Variants in LARP1B observed in about 807,000 individuals in gnomAD.
LARP1B encodes La ribonucleoprotein 1B, also known as la-related protein 1B.
LARP1B carries 76 observed loss-of-function variants against 114.2 expected under a neutral mutation model. That is an observed-to-expected ratio of 0.67 (90% CI 0.55 to 0.81). LARP1B has a LOEUF of 0.81. LARP1B is among the 30% of genes least tolerant of loss of function. LARP1B has a pLI of 0.00. For missense variants in LARP1B, 1,014 were observed against 1,075.8 expected (o/e 0.94, Z 0.80); for synonymous variants, 345 against 348.0 (o/e 0.99, Z 0.10).
intron 11 of LARP1B, among the ~76,000 whole-genome samples, chr4:128,154,974 A>G (rs1367993385): frequency 6.6e-6 from 1 of 151,878 alleles, no homozygotes; most frequent in Non-Finnish European, 1.5e-5. Flanking sequence ...AGGTTTCACT[A>G]TGTTGGCTAG....
intron 11 of LARP1B, among the ~76,000 whole-genome samples, chr4:128,125,151 A>C (rs1305552066): frequency 6.6e-6 from 1 of 152,216 alleles, no homozygotes; most frequent in African/African-American, 2.4e-5. Flanking sequence ...AACTATACAG[A>C]AGTGAAGTAC....
At chr4:128,124,919 G>A (rs1053794014) in intron 11 of LARP1B, among the ~76,000 whole-genome samples, 12 of 152,188 alleles carry the variant, frequency 7.9e-5, no homozygotes, top group African/African-American at 2.9e-4. Context: ...TGAAAAGTAT[G>A]CCAAATTGAT....
intron 1 of LARP1B, among the ~76,000 whole-genome samples, chr4:128,071,189 G>A (rs2149348759): frequency 6.6e-6 from 1 of 151,878 alleles, no homozygotes; most frequent in African/African-American, 2.4e-5. Context: ...TGGGACTACA[G>A]GCGCCCGCCA....
At chr4:128,099,434 G>A (rs991958283) in intron 8 of LARP1B, among the ~76,000 whole-genome samples, 19 of 151,644 alleles carry the variant, frequency 1.3e-4, no homozygotes, top group Admixed American at 1.2e-3. Context: ...TAACTGGAGT[G>A]TGCCACCATA....
At chr4:128,088,979 T>A (rs1397643628) in intron 5 of LARP1B, among the ~76,000 whole-genome samples, 1 of 152,042 alleles carries the variant, frequency 6.6e-6, no homozygotes, top group Non-Finnish European at 1.5e-5. Context: ...AGGAAATGTT[T>A]GAAAAAGACT....
intron 11 of LARP1B, among the ~76,000 whole-genome samples, chr4:128,159,616 A>T (rs1288422488): frequency 6.6e-6 from 1 of 152,224 alleles, no homozygotes; most frequent in Admixed American, 6.5e-5. Context: ...GTTGCAGTTC[A>T]TGAACCTACC....
intron 12 of LARP1B, among the ~76,000 whole-genome samples, chr4:128,170,484 T>G (rs1743077275): frequency 6.6e-6 from 1 of 152,204 alleles, no homozygotes; most frequent in Non-Finnish European, 1.5e-5. Context: ...TCAGTTCTGT[T>G]GTATTTTGCT....
Position 128,202,049 on chromosome 4 carries a change from G to A in LARP1B, c.2309+1384G>A, listed in dbSNP as rs550380973. Among the ~76,000 whole-genome samples, 11 of 152,226 alleles carry A rather than the reference G, an allele frequency of 7.2e-5. No homozygotes were observed. The South Asian group carries it at 1.0e-3, about 14-fold the overall frequency. On this transcript the variant is annotated intron_variant, in intron 17 of 19. Transcript: ENST00000326639. ...GTTGACTTATGTAAAAACAAAGCCC[G>A]TTTAATTTTTATCTGTTATCTATAT... is the stretch of plus-strand genomic sequence containing the variant.
intron 15 of LARP1B, among the ~76,000 whole-genome samples, chr4:128,181,313 G>T (rs1157601434): frequency 6.6e-6 from 1 of 151,730 alleles, no homozygotes; most frequent in African/African-American, 2.4e-5. Flanking sequence ...GAGTAGCTGG[G>T]ATTACAGGTG....
intron 11 of LARP1B, among the ~76,000 whole-genome samples, chr4:128,136,807 T>G (rs1725512432): frequency 6.6e-6 from 1 of 152,194 alleles, no homozygotes; most frequent in Non-Finnish European, 1.5e-5. Context: ...CTCACTATGT[T>G]GCCTGGCTGG....
downstream of LARP1B, among the ~76,000 whole-genome samples, chr4:128,214,075 G>A (rs969053817): frequency 2.7e-5 from 4 of 146,876 alleles, no homozygotes; most frequent in East Asian, 2.0e-4. Flanking sequence ...ACTCCCACCC[G>A]AATATTGCGC....
At chr4:128,118,124 C>T (rs1466716879) in intron 10 of LARP1B, among the ~76,000 whole-genome samples, 1 of 117,224 alleles carries the variant, frequency 8.5e-6, no homozygotes, top group East Asian at 2.6e-4. Flanking sequence ...CAGGGTTTCT[C>T]CTTGCTGCCC....
chr4:128,069,528 G>C, intron 1 of LARP1B: 2 of 747,054 alleles, frequency 2.7e-6, no homozygotes, highest in Non-Finnish European at 4.9e-6. Flanking sequence ...GTGGAGAGCA[G>C]AGAGCTGGTG....
chr4:128,065,253 ATTTCTTTCTTTCTTTCTTTCTTTCTTTC>A (rs199707342), intron 1 of LARP1B, among the ~76,000 whole-genome samples: 3 of 89,544 alleles, frequency 3.4e-5, no homozygotes, highest in Non-Finnish European at 7.1e-5. Flanking sequence ...CCCACAATTA[ATTTCTTTCTTTCTTTCTTTCTTTCTTTC>A]TTTCTTTCTT....
rs149804990 is a variant in LARP1B, at chr4:128,161,398, G to A, written c.1525-796G>A. Reference sequence around the variant, plus strand: ...CTCCAGAACCCCAGAGGCAGGGAGGGGTCTATTCTTCCTTTGAGCTAACAA... The same window carrying A: ...CTCCAGAACCCCAGAGGCAGGGAGGAGTCTATTCTTCCTTTGAGCTAACAA... On this transcript the variant is annotated intron_variant, in intron 11 of 19. Coordinates refer to ENST00000326639, the MANE Select transcript of LARP1B (RefSeq NM_018078.4). Among the ~76,000 whole-genome samples, 125 of 152,174 alleles carry A rather than the reference G, an allele frequency of 8.2e-4. No homozygotes were observed. In the Middle Eastern group the frequency reaches 0.01, roughly 12 times the overall value.
chr4:128,126,578 C>A (rs755004527), intron 11 of LARP1B, among the ~76,000 whole-genome samples: 9 of 151,908 alleles, frequency 5.9e-5, no homozygotes, highest in Non-Finnish European at 1.2e-4. Context: ...AATTAAGAAC[C>A]AAATCAATTG....
chr4:128,203,769 C>T (rs192722044), intron 17 of LARP1B, among the ~76,000 whole-genome samples: 4 of 152,262 alleles, frequency 2.6e-5, no homozygotes, highest in Admixed American at 2.6e-4. Context: ...GAGCTAACAT[C>T]GCTTACATCT....
chr4:128,077,284 G>A (rs1174248037), intron 3 of LARP1B, among the ~76,000 whole-genome samples: 1 of 151,976 alleles, frequency 6.6e-6, no homozygotes, highest in Non-Finnish European at 1.5e-5. Flanking sequence ...AATCATTTGG[G>A]GTTAGGAGTT....
Position 128,179,479 on chromosome 4 carries a change from C to G in LARP1B, c.1970C>G (p.Ser657Cys). ...LECHVGWVMD[S>C]RDRGPGTSSV... ...TGTCATGTTGGTTGGGTAATGGATT[C>G]CAGAGACCGTGGGCCAGGAACATCC... The change falls in exon 15 of 20, where the codon TCC becomes TGC. Residue 657 changes from serine (S) to cysteine (C), a missense_variant. Transcript: ENST00000326639. The G allele has an allele frequency of 1.9e-6, 3 of 1,609,390 alleles. No individual in the cohort carries two copies. Among genetic ancestry groups the G allele is most frequent in the Non-Finnish European group, 2.5e-6 (3 of 1,177,406 alleles).
Sources: gnomAD v4.1 joint callset for allele counts (sites outside exome capture counted in the v4.1 genomes callset) on GRCh38, gnomAD v4.1.1 for gene constraint, MANE v1.5 for transcripts, NCBI Gene and HGNC (gene_info 2026-07-23, HGNC 2026-07-21) for gene names.